Variants in ATM observed in about 807,000 individuals in gnomAD.
ATM encodes ATM serine/threonine kinase, also known as serine-protein kinase ATM.
In ATM, 308 loss-of-function variants were observed where a neutral mutation model predicts 387.0. That is an observed-to-expected ratio of 0.80 (90% CI 0.73 to 0.87). The LOEUF (loss-of-function observed/expected upper bound fraction) is 0.87. Ranked by LOEUF, ATM falls within the 40% of genes least tolerant of loss-of-function variation. The pLI is 0.00. For synonymous variants in ATM, 1,156 were observed against 1,187.3 expected (o/e 0.97, Z 0.54); for missense variants, 3,312 against 3,560.9 (o/e 0.93, Z 1.78).
At chr11:108,284,872 T>C (rs2082410570) in intron 26 of ATM, among the ~76,000 whole-genome samples, 1 of 152,198 alleles carries the variant, frequency 6.6e-6, no homozygotes, top group East Asian at 1.9e-4. Context: ...CAACCGTCCC[T>C]CATTCCTATA....
intron 18 of ATM, among the ~76,000 whole-genome samples, chr11:108,270,663 G>T (rs1267329286): frequency 6.6e-6 from 1 of 151,948 alleles, no homozygotes. Flanking sequence ...GTGTGTGTAT[G>T]TGTGTGCATG....
At chr11:108,265,058 C>A (rs2081144440) in intron 16 of ATM, among the ~76,000 whole-genome samples, 1 of 147,716 alleles carries the variant, frequency 6.8e-6, no homozygotes. Context: ...CCATACTGCC[C>A]AAGGTAATTT....
intron 19 of ATM, 30 bp downstream of exon 19, chr11:108,271,176 A>T (rs2135549641): frequency 6.2e-7 from 1 of 1,613,412 alleles, no homozygotes; most frequent in Non-Finnish European, 8.5e-7. Context: ...TGTTATGTTC[A>T]CTTTAAAGTT....
intron 18 of ATM, 40 bp downstream of exon 18, chr11:108,268,649 G>A (rs745417415): frequency 6.3e-7 from 1 of 1,582,756 alleles, no homozygotes; most frequent in African/African-American, 1.3e-5. Context: ...GATTTTATCT[G>A]ATGTTGCTGA....
At position 108,232,527 on chromosome 11, in the gene ATM, C is replaced by CTT. The variant is rs71047685; in HGVS notation, c.332-3114_332-3113dup. 4.7e-3 allele frequency among the ~76,000 whole-genome samples: 272 copies of CTT among 58,208 alleles called. 27 individuals are homozygous for CTT. The highest frequency in any genetic ancestry group is 9.4e-3 in the East Asian group (14 of 1,494). 38.2% of individuals were successfully genotyped at this position (58,208 alleles called of 152,430 possible). ...TAAGCAAATATTGTTGATTTCTCTC[C>CTT]TTTTTTTTTTTTTTTTTTTTTTTTT... On this transcript the variant is annotated intron_variant, in intron 4 of 62. Coordinates refer to ENST00000675843, the MANE Select transcript of ATM (RefSeq NM_000051.4).
intron 60 of ATM, among the ~76,000 whole-genome samples, 194 bp downstream of exon 60, chr11:108,354,074 C>CACACACACACAA (rs944216625): frequency 2.0e-5 from 3 of 146,584 alleles, no homozygotes; most frequent in African/African-American, 7.9e-5. Flanking sequence ...CACACAAACA[C>CACACACACACAA]ACACACACAC....
chr11:108,365,333 A>T lies in ATM; in HGVS notation c.8996A>T (p.Asp2999Val), dbSNP rs1555151684. 2 of 1,614,220 alleles carry T rather than the reference A, an allele frequency of 1.2e-6. No individual in the cohort carries two copies. The highest frequency in any genetic ancestry group is 1.7e-6 in the Non-Finnish European group (2 of 1,180,040). Reference protein sequence around the residue: ...QECKRNLSDIDQSFNKVAERV... With the variant: ...QECKRNLSDIVQSFNKVAERV... The stretch of plus-strand genomic sequence containing the variant: ...TGTGTTTTTGTCCTTAGTGATATTG[A>T]CCAGAGTTTCAACAAAGTAGCTGAA... The change falls in exon 63 of 63, where the codon GAC becomes GTC. Residue 2999 changes from aspartate (D) to valine (V), a missense_variant. By Grantham distance (152) the Asp-to-Val change is radical. Transcript: ENST00000675843.
At chr11:108,309,843 C>G (rs1171631924) in intron 38 of ATM, among the ~76,000 whole-genome samples, 1 of 152,018 alleles carries the variant, frequency 6.6e-6, no homozygotes, top group Non-Finnish European at 1.5e-5. Flanking sequence ...GTATCCTATT[C>G]TTAGTCTGTG....
intron 43 of ATM, among the ~76,000 whole-genome samples, chr11:108,318,180 G>A (rs1446372229): frequency 6.6e-6 from 1 of 152,014 alleles, no homozygotes; most frequent in African/African-American, 2.4e-5. Flanking sequence ...TGGGAAACAC[G>A]GTGAAACCCT....
At chr11:108,332,093 A>C in intron 52 of ATM, 56 bp downstream of exon 52, 3 of 1,595,236 alleles carry the variant, frequency 1.9e-6, no homozygotes, top group Non-Finnish European at 2.6e-6. Context: ...TCTTTCCTAG[A>C]ATATTTCTTT....
intron 1 of ATM, chr11:108,227,383 G>A (rs2078792682): frequency 4.2e-6 from 2 of 477,888 alleles, no homozygotes; most frequent in Non-Finnish European, 7.4e-6. Context: ...AGCATTACTT[G>A]TATAGATTTT....
chr11:108,287,839 T>A, intron 27 of ATM, 124 bp downstream of exon 27: 1 of 687,892 alleles, frequency 1.5e-6, no homozygotes, highest in Non-Finnish European at 2.5e-6. Context: ...AAATTTTCTT[T>A]AAAAATAGCC....
intron 59 of ATM, 128 bp from the exon 60 acceptor site, chr11:108,353,638 T>TTCTAGTAGTAGAAGTAAACTACTA: frequency 2.7e-6 from 2 of 751,550 alleles, no homozygotes; most frequent in South Asian, 2.9e-5. Flanking sequence ...AGTAAACTAC[T>TTCTAGTAGTAGAAGTAAACTACTA]GTACATACTA....
chr11:108,257,729 C>A, intron 15 of ATM, 123 bp downstream of exon 15: 1 of 967,694 alleles, frequency 1.0e-6, no homozygotes. Context: ...CAGCAATTCT[C>A]CTGCCTCAGC....
chr11:108,243,131 T>C (rs2079649812), intron 5 of ATM, among the ~76,000 whole-genome samples: 1 of 151,930 alleles, frequency 6.6e-6, no homozygotes. Context: ...GGTGGGAGGA[T>C]TACCTGAGTC....
rs190015193 is a variant in ATM at position 108,320,255 on chromosome 11, T to C, written c.6452+197T>C. Reference sequence around the variant, plus strand: ...GTTTCTGGGATTCCAGGTTCATTCTTTACCCTGACCCTTCAAGAAAGTTTT... The same window carrying C: ...GTTTCTGGGATTCCAGGTTCATTCTCTACCCTGACCCTTCAAGAAAGTTTT... On this transcript the variant is annotated intron_variant, in intron 44 of 62. Transcript: ENST00000675843. 3.2e-3 allele frequency among the ~76,000 whole-genome samples: 490 copies of C among 152,328 alleles called. 1 individual carries two copies. Among genetic ancestry groups the C allele is most frequent in the Non-Finnish European group, 5.7e-3 (389 of 68,018 alleles).
At position 108,259,020 on chromosome 11, in the gene ATM, T is replaced by G. The variant is rs754642674; in HGVS notation, c.2411T>G (p.Leu804Arg). ...SPNKIASGFFLRLLTSKLMND... is the reference protein window; with the variant it reads ...SPNKIASGFFRRLLTSKLMND... ...AATAAGATTGCATCTGGCTTTTTCC[T>G]GCGATTGTTAACATCAAAGCTAATG... Residue 804 changes from leucine (L) to arginine (R), a missense_variant, in exon 16 of 63, where the codon CTG becomes CGG. Coordinates refer to ENST00000675843, the MANE Select transcript of ATM (RefSeq NM_000051.4). 7 of 1,613,914 alleles carry G rather than the reference T, an allele frequency of 4.3e-6. No individual in the cohort carries two copies. Among genetic ancestry groups the G allele is most frequent in the Non-Finnish European group, 5.1e-6 (6 of 1,179,948 alleles).
chr11:108,248,948 A>G lies in ATM; in HGVS notation c.1081A>G (p.Thr361Ala). 6.2e-7 allele frequency: 1 copy of G among 1,610,742 alleles called. No individual in the cohort carries two copies. The highest frequency in any genetic ancestry group is 8.5e-7 in the Non-Finnish European group (1 of 1,177,806). Residue 361 changes from threonine (T) to alanine (A), a missense_variant, in exon 9 of 63, where the codon ACC (threonine) becomes GCC (alanine). By Grantham distance (58) the Thr-to-Ala change is moderately conservative (BLOSUM62 0). Transcript: ENST00000675843. ...TATTTTACAGGTTTTTAATGAAGAT[A>G]CCAGATCCTTGGAGATTTCTCAATC... ...DICHQVFNEDTRSLEISQSYT... is the reference protein window; with the variant it reads ...DICHQVFNEDARSLEISQSYT...
intron 55 of ATM, 105 bp from the exon 56 acceptor site, chr11:108,335,740 C>T: frequency 1.3e-6 from 1 of 799,154 alleles, no homozygotes; most frequent in Non-Finnish European, 2.1e-6. Flanking sequence ...AAGAGGTGCA[C>T]AGATGCTCAG....
Sources: gnomAD v4.1 joint callset for allele counts (sites outside exome capture counted in the v4.1 genomes callset) on GRCh38, gnomAD v4.1.1 for gene constraint, MANE v1.5 for transcripts, NCBI Gene and HGNC (gene_info 2026-07-23, HGNC 2026-07-21) for gene names.